NEK8: variants seen among roughly 807,000 people sequenced by gnomAD.
NEK8 encodes NIMA related kinase 8.
Under a neutral mutation model 77.2 loss-of-function variants are expected in NEK8, and 51 were observed. The ratio of observed to expected loss-of-function variants is 0.66; its 90% CI spans 0.53 to 0.83. NEK8 has a LOEUF of 0.83. Ranked by LOEUF, NEK8 falls within the 40% of genes least tolerant of loss-of-function variation. The pLI, the probability that NEK8 is intolerant of heterozygous loss-of-function variation, is 0.00. For synonymous variants in NEK8, 365 were observed against 363.2 expected, an observed-to-expected ratio of 1.00 and a Z score of -0.06; for missense variants, 787 against 909.2, an observed-to-expected ratio of 0.87 and a Z score of 1.73.
chr17:28,738,965 T>A (rs2034394229), intron 9 of NEK8, 119 bp from the exon 10 acceptor site: 1 of 902,074 alleles, frequency 1.1e-6, no homozygotes, highest in Non-Finnish European at 1.9e-6. Context: ...TGGCTGGATT[T>A]AAAGACACAG....
In NEK8 at chr17:28,737,513, A is replaced by C. The variant is rs770133538; in HGVS notation, c.826A>C (p.Arg276=). Residue 276 remains arginine (R), a splice_region_variant and synonymous_variant, in exon 5 of 15, where the codon AGG becomes CGG. Coordinates refer to ENST00000268766, the MANE Select transcript of NEK8 (RefSeq NM_178170.3). The surrounding 1 kb of genome is among the most constrained non-coding windows in gnomAD (Gnocchi z 4.8). ...HTDVGSVRMR[R]AEKSVAPSNT... Reference sequence around the variant, plus strand: ...CGACGTGGGCAGTGTCCGCATGCGGAGGCCTGTGCAGGGACAGCGAGCGGT... The same window carrying C: ...CGACGTGGGCAGTGTCCGCATGCGGCGGCCTGTGCAGGGACAGCGAGCGGT... 3.1e-6 allele frequency: 5 copies of C among 1,613,078 alleles called. No homozygotes were observed. The East Asian group carries it at 8.9e-5, about 29-fold the overall frequency.
Position 28,740,702 on chromosome 17 carries a change from C to T in NEK8, c.1568+89C>T, listed in dbSNP as rs150564455. The T allele has an allele frequency of 2.8e-5, 44 of 1,586,634 alleles. 1 individual carries two copies. In the East Asian group the frequency reaches 8.9e-4, roughly 32 times the overall value. On this transcript the variant is annotated intron_variant, in intron 11 of 14. Coordinates refer to ENST00000268766, the MANE Select transcript of NEK8 (RefSeq NM_178170.3). This position sits in a 1 kb window ranked among gnomAD's most constrained non-coding sequence, Gnocchi z 4.7. ...ATCATTGCCTACCTTTCACCAAAGA[C>T]CAGAATTGAGGGGGTTGAGGGTGCT...
At chr17:28,735,472 G>A in intron 4 of NEK8, 101 bp downstream of exon 4, 2 of 1,337,242 alleles carry the variant, frequency 1.5e-6, no homozygotes, top group African/African-American at 1.4e-5. Context: ...GCTGAGTCAT[G>A]TCTCTCCCTT....
In NEK8 at chr17:28,738,996, G is replaced by T. The variant is rs939351487; in HGVS notation, c.1300-88G>T. ...CACAGCCACCTCCTGAGAATGTGTAGCCTCCAGCTTTGTCCCTACAGGGGG... is the reference window on the plus strand; with the variant it reads ...CACAGCCACCTCCTGAGAATGTGTATCCTCCAGCTTTGTCCCTACAGGGGG... On this transcript the variant is annotated intron_variant, in intron 9 of 14. Coordinates refer to ENST00000268766, the MANE Select transcript of NEK8 (RefSeq NM_178170.3). 4 of 981,732 alleles carry T rather than the reference G, an allele frequency of 4.1e-6. No individual in the cohort carries two copies. In the African/African-American group the frequency reaches 6.4e-5, roughly 16 times the overall value. 60.8% of individuals were successfully genotyped at this position (981,732 alleles called of 1,614,324 possible). A position where few individuals can be genotyped will look rare whatever the true frequency, so the allele number is the denominator to read the frequency against.
intron 1 of NEK8, 139 bp downstream of exon 1, chr17:28,728,999 C>A: frequency 1.3e-6 from 1 of 779,938 alleles, no homozygotes; most frequent in Non-Finnish European, 2.1e-6. Context: ...AGCTTCCGGT[C>A]CCAGTCCCCC....
In NEK8 at chr17:28,741,845, T is replaced by C; in HGVS notation, c.2051-114T>C. On this transcript the variant is annotated intron_variant, in intron 14 of 14. Coordinates refer to ENST00000268766, the MANE Select transcript of NEK8 (RefSeq NM_178170.3). The surrounding 1 kb of genome is among the most constrained non-coding windows in gnomAD (Gnocchi z 4.5). ...GAGTCCCGTTGATGCTGAAACTCTC[T>C]TTCTGGCCTAACAGGGTCCAGAATC... is the stretch of plus-strand genomic sequence containing the variant. The C allele has an allele frequency of 8.5e-7, 1 of 1,169,796 alleles. No homozygotes were observed. Among genetic ancestry groups the C allele is most frequent in the South Asian group, 1.2e-5 (1 of 81,916 alleles). The allele number at this position is 1,169,796 out of a possible 1,614,324, so 72.5% of individuals were successfully genotyped here.
rs1293415236 is a variant in NEK8 at position 28,737,787 on chromosome 17, A to C, written c.890-32A>C. 1 of 1,614,114 alleles carries C rather than the reference A, an allele frequency of 6.2e-7. No individual in the cohort carries two copies. The highest frequency in any genetic ancestry group is 1.1e-5 in the South Asian group (1 of 91,086). On this transcript the variant is annotated intron_variant, in intron 6 of 14. Transcript: ENST00000268766. The surrounding 1 kb of genome is among the most constrained non-coding windows in gnomAD (Gnocchi z 4.8). Reference sequence around the variant, plus strand: ...CCATGGATGCCACACCATTCCCATCAGTTTAATAGTCCCCATGCACTGTAC... The same window carrying C: ...CCATGGATGCCACACCATTCCCATCCGTTTAATAGTCCCCATGCACTGTAC...
intron 4 of NEK8, among the ~76,000 whole-genome samples, chr17:28,736,464 A>G (rs139088512): frequency 6.6e-6 from 1 of 152,332 alleles, no homozygotes; most frequent in Middle Eastern, 3.4e-3. Flanking sequence ...AAAGATCACC[A>G]TTCTAACTGG....
At position 28,741,264 on chromosome 17, in the gene NEK8, CAG is replaced by C; in HGVS notation, c.1891+29_1891+30del. ...GAGGACTGAGCATGGTGGGGGCAGACAGTGCCATGAGCAGTGGGGGGTGGGGG... is the reference window on the plus strand; with the variant it reads ...GAGGACTGAGCATGGTGGGGGCAGACTGCCATGAGCAGTGGGGGGTGGGGG... On this transcript the variant is annotated intron_variant, in intron 13 of 14. Coordinates refer to ENST00000268766, the MANE Select transcript of NEK8 (RefSeq NM_178170.3). This position sits in a 1 kb window ranked among gnomAD's most constrained non-coding sequence, Gnocchi z 4.5. 1 of 1,595,258 alleles carries C rather than the reference CAG, an allele frequency of 6.3e-7. No homozygotes were observed. The highest frequency in any genetic ancestry group is 8.6e-7 in the Non-Finnish European group (1 of 1,169,136).
chr17:28,732,999 G>A (rs964697705), intron 1 of NEK8: 4 of 151,610 alleles, frequency 2.6e-5, no homozygotes, highest in African/African-American at 7.3e-5. Flanking sequence ...TCATCCTCCA[G>A]AGCAGCTGGG....
rs2034387832 is a variant in NEK8, at chr17:28,738,327, TAATG to T, written c.1222+87_1222+90del. On this transcript the variant is annotated intron_variant, in intron 8 of 14. Transcript: ENST00000268766. ...TCTCTTCTCTTGCAAAACACGCACTTAATGAATGCTTCTGTCTACTAGTTATCGA... is the reference window on the plus strand; with the variant it reads ...TCTCTTCTCTTGCAAAACACGCACTTAATGCTTCTGTCTACTAGTTATCGA... 9 of 1,477,946 alleles carry T rather than the reference TAATG, an allele frequency of 6.1e-6. No homozygotes were observed. The East Asian group carries it at 1.8e-4, about 30-fold the overall frequency. The allele number at this position is 1,477,946 out of a possible 1,614,324, so 91.6% of individuals were successfully genotyped here. A position where few individuals can be genotyped will look rare whatever the true frequency, so the allele number is the denominator to read the frequency against.
At position 28,734,689 on chromosome 17, in the gene NEK8, A is replaced by G. The variant is rs530763578; in HGVS notation, c.254-83A>G. 31 of 1,021,428 alleles carry G rather than the reference A, an allele frequency of 3.0e-5. No homozygotes were observed. The South Asian group carries it at 4.2e-4, about 14-fold the overall frequency. The allele number at this position is 1,021,428 out of a possible 1,614,324, so 63.3% of individuals were successfully genotyped here. On this transcript the variant is annotated intron_variant, in intron 2 of 14. Coordinates refer to ENST00000268766, the MANE Select transcript of NEK8 (RefSeq NM_178170.3). Reference sequence around the variant, plus strand: ...GCAACAGAGCGAGACTCCATCTCAAAAAAAAAAAACAACAACAACAATGGA... The same window carrying G: ...GCAACAGAGCGAGACTCCATCTCAAGAAAAAAAAACAACAACAACAATGGA...
chr17:28,734,797 A>C lies in NEK8; in HGVS notation c.279A>C (p.Gln93His). ...APGGTLAEFIQKRCNSLLEEE... is the reference protein window; with the variant it reads ...APGGTLAEFIHKRCNSLLEEE... ...GCGGCACTCTGGCTGAGTTCATCCA[A>C]AAGCGCTGTAATTCCCTGCTGGAGG... Residue 93 changes from glutamine to histidine, a missense_variant, in exon 3 of 15, where the codon CAA becomes CAC. Gln to His is a conservative substitution (Grantham distance 24, BLOSUM62 0). This residue lies in a region of NEK8 where 271 missense variants were observed against 365.1 expected (regional missense o/e 0.74). Coordinates refer to ENST00000268766, the MANE Select transcript of NEK8 (RefSeq NM_178170.3). 1.2e-6 allele frequency: 2 copies of C among 1,613,770 alleles called. No individual in the cohort carries two copies. The highest frequency in any genetic ancestry group is 1.6e-4 in the Middle Eastern group (1 of 6,062).
At position 28,741,571 on chromosome 17, in the gene NEK8, T is replaced by A; in HGVS notation, c.2050T>A (p.Ser684Thr). Residue 684 changes from serine to threonine, a missense_variant and splice_region_variant, in exon 14 of 15, where the codon TCG becomes ACG. Transcript: ENST00000268766. This position sits in a 1 kb window ranked among gnomAD's most constrained non-coding sequence, Gnocchi z 4.5. ...CHGNTLLAVRSVTDEPVPP is the reference protein window; with the variant it reads ...CHGNTLLAVRTVTDEPVPP ...TGGAAACACCCTCCTGGCTGTTCGA[T>A]GTGAGTTGTAACTTTTCCCACTTCA... The A allele has an allele frequency of 6.2e-7, 1 of 1,614,090 alleles. No homozygotes were observed. Among genetic ancestry groups the A allele is most frequent in the Non-Finnish European group, 8.5e-7 (1 of 1,180,018 alleles).
intron 1 of NEK8, among the ~76,000 whole-genome samples, chr17:28,733,318 G>A (rs907290172): frequency 6.6e-6 from 1 of 152,186 alleles, no homozygotes; most frequent in Non-Finnish European, 1.5e-5. Context: ...TAAAATTTAG[G>A]ATGACTGTGA....
At position 28,739,995 on chromosome 17, in the gene NEK8, G is replaced by T. The variant is rs539509159; in HGVS notation, c.1418-468G>T. 7.2e-4 allele frequency among the ~76,000 whole-genome samples: 109 copies of T among 152,134 alleles called. 2 individuals carry two copies. The South Asian group carries it at 0.021, about 30-fold the overall frequency. Reference sequence around the variant, plus strand: ...TCATTTGAACAGGGCTTTAAAGGAGGAGGATTTTGAGCCGGCGTGGTGGCT... The same window carrying T: ...TCATTTGAACAGGGCTTTAAAGGAGTAGGATTTTGAGCCGGCGTGGTGGCT... On this transcript the variant is annotated intron_variant, in intron 10 of 14. Coordinates refer to ENST00000268766, the MANE Select transcript of NEK8 (RefSeq NM_178170.3).
rs1006559739 is a variant in NEK8, at chr17:28,740,385, C to G, written c.1418-78C>G. ...GAACAGAGAACTCATGCTGTTCCCTCCCCTCAGTGGGCCCTCCTCATTCGG... is the reference window on the plus strand; with the variant it reads ...GAACAGAGAACTCATGCTGTTCCCTGCCCTCAGTGGGCCCTCCTCATTCGG... On this transcript the variant is annotated intron_variant, in intron 10 of 14. Coordinates refer to ENST00000268766, the MANE Select transcript of NEK8 (RefSeq NM_178170.3). The surrounding 1 kb of genome is among the most constrained non-coding windows in gnomAD (Gnocchi z 4.7). The G allele has an allele frequency of 6.4e-6, 8 of 1,253,168 alleles. No homozygotes were observed. The highest frequency in any genetic ancestry group is 8.2e-6 in the Non-Finnish European group (7 of 851,244). The allele number at this position is 1,253,168 out of a possible 1,614,324, so 77.6% of individuals were successfully genotyped here. A position where few individuals can be genotyped will look rare whatever the true frequency, so the allele number is the denominator to read the frequency against.
chr17:28,730,770 A>T (rs1246077739), intron 1 of NEK8, among the ~76,000 whole-genome samples: 1 of 151,866 alleles, frequency 6.6e-6, no homozygotes, highest in Non-Finnish European at 1.5e-5. Context: ...TAAAAAAATT[A>T]GCCAGGTATG....
intron 1 of NEK8, among the ~76,000 whole-genome samples, chr17:28,732,551 T>C (rs1265005105): frequency 1.5e-5 from 2 of 135,252 alleles, no homozygotes; most frequent in South Asian, 2.6e-4. Context: ...TTTTCTTTTT[T>C]TTTTTTTTTT....
Sources: allele counts gnomAD v4.1 joint callset (sites outside exome capture counted in the v4.1 genomes callset), GRCh38; gene constraint gnomAD v4.1.1; regional missense constraint gnomAD v4.1.1; non-coding constraint Gnocchi (gnomAD v3.1); transcripts MANE v1.5; gene names NCBI Gene and HGNC (gene_info 2026-07-23, HGNC 2026-07-21).